The following TMEM223 variants were observed in gnomAD, a reference collection of about 807,000 sequenced individuals.
TMEM223 encodes the protein transmembrane protein 223.
Under a neutral mutation model 14.1 loss-of-function variants are expected in TMEM223, and 14 were observed. The ratio of observed to expected loss-of-function variants is 0.99; its 90% CI spans 0.66 to 1.55. TMEM223 has a LOEUF of 1.55. Ranked by LOEUF, TMEM223 falls within the 40% of genes most tolerant of loss-of-function variation. The probability of loss-of-function intolerance (pLI) is 0.00; values close to 1 mark genes in which losing one functional copy is unlikely to be tolerated. For missense variants in TMEM223, 346 were observed against 269.9 expected, an observed-to-expected ratio of 1.28 and a Z score of -1.97; for synonymous variants, 145 against 120.5, an observed-to-expected ratio of 1.20 and a Z score of -1.33.
At chr11:62,784,456 G>A (rs955511983), downstream of TMEM223, among the ~76,000 whole-genome samples, 8 of 151,016 alleles carry the variant, frequency 5.3e-5, no homozygotes, top group Non-Finnish European at 8.8e-5. Context: ...ACAGGCGCCC[G>A]CCACCATGCC....
intron 1 of TMEM223, among the ~76,000 whole-genome samples, chr11:62,775,224 G>A (rs1423617205): frequency 6.6e-6 from 1 of 152,158 alleles, no homozygotes; most frequent in Non-Finnish European, 1.5e-5. Flanking sequence ...CCGAGCAAAA[G>A]GGGGAAAAGC....
At position 62,791,719 on chromosome 11, in the gene TMEM223, C is replaced by A; in HGVS notation, c.276G>T (p.Ala92=). The A allele has an allele frequency of 1.3e-6, 2 of 1,551,950 alleles. No homozygotes were observed. Among genetic ancestry groups the A allele is most frequent in the Non-Finnish European group, 1.7e-6 (2 of 1,147,682 alleles). ...PNRGPFDLRS[A]LWRYGLAVGC... Reference sequence around the variant, plus strand: ...CGACGGCCAGACCGTAGCGCCAGAGCGCGGAGCGCAGGTCGAAGGGGCCAC... The same window carrying A: ...CGACGGCCAGACCGTAGCGCCAGAGAGCGGAGCGCAGGTCGAAGGGGCCAC... Residue 92 remains alanine (A), a synonymous_variant, in exon 1 of 2, where the codon GCG becomes GCT. Coordinates refer to ENST00000307366, the MANE Select transcript of TMEM223 (RefSeq NM_001080501.3).
chr11:62,778,048 C>T, intron 1 of TMEM223: 1 of 1,614,186 alleles, frequency 6.2e-7, no homozygotes, highest in Non-Finnish European at 8.5e-7. Flanking sequence ...CTCTACTTTC[C>T]TGAGGATCGA....
chr11:62,790,161 G>C lies in TMEM223; in HGVS notation c.*462C>G, dbSNP rs1037012340. 13 of 1,216,364 alleles carry C rather than the reference G, an allele frequency of 1.1e-5. No individual in the cohort carries two copies. The East Asian group carries it at 1.9e-4, about 17-fold the overall frequency. 75.3% of individuals were successfully genotyped at this position (1,216,364 alleles called of 1,614,324 possible). A position where few individuals can be genotyped will look rare whatever the true frequency, so the allele number is the denominator to read the frequency against. On this transcript the variant is annotated 3_prime_UTR_variant, in exon 2 of 2. Transcript: ENST00000307366. ...CTTAGTTTTCCTTTCGTTGGGGGGT[G>C]GGGGGGAAACATAATGACAGGCCCC...
At chr11:62,789,911 TGTG>T (rs751099239), downstream of TMEM223, 1 of 1,613,976 alleles carries the variant, frequency 6.2e-7, no homozygotes, top group Admixed American at 1.7e-5. Context: ...AATTTGGTAT[TGTG>T]GTGTGTGGTC....
chr11:62,782,196 C>G, intron 1 of TMEM223: 1 of 1,614,138 alleles, frequency 6.2e-7, no homozygotes, highest in Non-Finnish European at 8.5e-7. Context: ...CGCACCTGTG[C>G]TTGGGGCCCT....
exon 3 of TMEM223, chr11:62,771,938 G>C (rs2134693194): frequency 2.8e-6 from 1 of 356,932 alleles, no homozygotes; most frequent in East Asian, 7.5e-5. Flanking sequence ...CCAAGGGGTG[G>C]GTCTCCAATC....
rs1438517109 is a variant in TMEM223 at position 62,790,812 on chromosome 11, G to A, written c.420C>T (p.Pro140=). The part of the protein sequence containing the change: ...GQQVTLTTHA[P]FGLGAHFTVP... Reference sequence around the variant, plus strand: ...CTGTGAAATGGGCCCCCAAGCCAAAGGGGGCATGAGTGGTGAGGGTCACCT... The same window carrying A: ...CTGTGAAATGGGCCCCCAAGCCAAAAGGGGCATGAGTGGTGAGGGTCACCT... Residue 140 remains proline (P), a synonymous_variant, in exon 2 of 2, where the codon CCC becomes CCT. Coordinates refer to ENST00000307366, the MANE Select transcript of TMEM223 (RefSeq NM_001080501.3). The A allele has an allele frequency of 1.2e-6, 2 of 1,606,000 alleles. No homozygotes were observed. Among genetic ancestry groups the A allele is most frequent in the Non-Finnish European group, 1.7e-6 (2 of 1,176,210 alleles).
At chr11:62,787,013 G>A (rs1052943142), downstream of TMEM223, 2 of 1,487,554 alleles carry the variant, frequency 1.3e-6, no homozygotes, top group Non-Finnish European at 1.8e-6. Context: ...CGCGTGCATC[G>A]GGCGCGCGGG....
downstream of TMEM223, chr11:62,785,897 ATTGT>A (rs1387338147): frequency 2.3e-4 from 37 of 163,902 alleles, no homozygotes; most frequent in Middle Eastern, 9.0e-3. Context: ...TTTTATGCAG[ATTGT>A]TTGAACTGAG....
rs1273713612 is a variant in TMEM223 at position 62,790,708 on chromosome 11, C to T, written c.524G>A (p.Arg175His). ...AGTTTTGTCCAAGAGGAAATAGAAG[C>T]GTCGGCCTTTGACTTTCAGAGGTAG... ...AMLPLKVKGR[R>H]FYFLLDKTGH... Residue 175 changes from arginine to histidine, a missense_variant, in exon 2 of 2, where the codon CGC (arginine) becomes CAC (histidine). Arg to His is a conservative substitution (Grantham distance 29). Coordinates refer to ENST00000307366, the MANE Select transcript of TMEM223 (RefSeq NM_001080501.3). The T allele has an allele frequency of 2.5e-6, 4 of 1,611,584 alleles. No homozygotes were observed. Among genetic ancestry groups the T allele is most frequent in the African/African-American group, 1.3e-5 (1 of 74,862 alleles).
downstream of TMEM223, chr11:62,786,942 C>G (rs1217821301): frequency 2.7e-6 from 4 of 1,458,284 alleles, no homozygotes; most frequent in South Asian, 5.4e-5. Context: ...CCCGGGGCAG[C>G]GGCGGAGGCG....
chr11:62,773,054 G>C (rs573320746), intron 2 of TMEM223, among the ~76,000 whole-genome samples: 1 of 151,712 alleles, frequency 6.6e-6, no homozygotes, highest in East Asian at 2.0e-4. Flanking sequence ...TGTTAGCCAG[G>C]ATGGTCTTCA....
chr11:62,782,039 G>A, intron 1 of TMEM223: 1 of 1,595,866 alleles, frequency 6.3e-7, no homozygotes, highest in African/African-American at 1.3e-5. Context: ...TAGGGCTCAT[G>A]GCAAGTGCTG....
chr11:62,784,776 T>C (rs1458814536), downstream of TMEM223, among the ~76,000 whole-genome samples: 2 of 152,194 alleles, frequency 1.3e-5, no homozygotes, highest in Admixed American at 6.5e-5. Flanking sequence ...TGTCATGGGA[T>C]AGTCGTAAAG....
At chr11:62,777,146 C>CA (rs1236455874) in intron 1 of TMEM223, among the ~76,000 whole-genome samples, 2,094 of 134,612 alleles carry the variant, frequency 0.016, 49 homozygotes, top group African/African-American at 0.051. Flanking sequence ...GACTCCATGT[C>CA]AAAAAAAAAA....
chr11:62,782,115 G>A (rs2084234379), intron 1 of TMEM223: 7 of 1,604,580 alleles, frequency 4.4e-6, no homozygotes, highest in South Asian at 2.2e-5. Flanking sequence ...CCCAACAGGT[G>A]AAATCTGTAA....
At chr11:62,786,380 G>A (rs1217966480), downstream of TMEM223, 5 of 1,614,064 alleles carry the variant, frequency 3.1e-6, no homozygotes, top group Non-Finnish European at 4.2e-6. Context: ...AGTCTATGGA[G>A]CCATTCTGGT....
intron 1 of TMEM223, 142 bp downstream of exon 1, chr11:62,791,537 C>T: frequency 8.9e-7 from 1 of 1,124,744 alleles, no homozygotes; most frequent in Non-Finnish European, 1.2e-6. Flanking sequence ...GCCGCCGCGC[C>T]CGGCCAGTGT....
Sources: allele counts gnomAD v4.1 joint callset (sites outside exome capture counted in the v4.1 genomes callset), GRCh38; gene constraint gnomAD v4.1.1; transcripts MANE v1.5; gene names NCBI Gene and HGNC (gene_info 2026-07-23, HGNC 2026-07-21).